GULP1: variants seen among roughly 807,000 people sequenced by gnomAD.
GULP1 encodes the protein GULP PTB domain containing engulfment adaptor 1, also known as PTB domain-containing engulfment adapter protein 1.
In GULP1, 19 loss-of-function variants were observed where a neutral mutation model predicts 40.9. The observed-to-expected ratio is 0.46, with a 90% CI of 0.32 to 0.68. The LOEUF is 0.68. Ranked by LOEUF, GULP1 falls within the 30% of genes least tolerant of loss-of-function variation. The pLI, the probability that GULP1 is intolerant of heterozygous loss-of-function variation, is 0.03. For missense variants in GULP1, 312 were observed against 362.2 expected (o/e 0.86, Z 1.12); for synonymous variants, 119 against 117.6 (o/e 1.01, Z -0.08).
chr2:188,387,005 G>C (rs1024337990), intron 2 of GULP1, among the ~76,000 whole-genome samples: 5 of 152,090 alleles, frequency 3.3e-5, no homozygotes, highest in Non-Finnish European at 7.4e-5. Context: ...GGGAGGCCAA[G>C]TCGGTGGATT....
chr2:188,537,508 C>CT (rs1689253722), intron 6 of GULP1, among the ~76,000 whole-genome samples: 1 of 152,076 alleles, frequency 6.6e-6, no homozygotes, highest in Admixed American at 6.6e-5. Flanking sequence ...ATACGTTGAA[C>CT]AAACCTTGCA....
At chr2:188,311,610 A>T (rs2038115977) in intron 1 of GULP1, among the ~76,000 whole-genome samples, 1 of 152,066 alleles carries the variant, frequency 6.6e-6, no homozygotes, top group South Asian at 2.1e-4. Context: ...ATATGAGTAG[A>T]TGTATCCAAT....
chr2:188,420,299 C>T (rs910576801), intron 2 of GULP1, among the ~76,000 whole-genome samples: 1 of 152,116 alleles, frequency 6.6e-6, no homozygotes, highest in Non-Finnish European at 1.5e-5. Flanking sequence ...ACAATATTGT[C>T]TTTCAATAAA....
chr2:188,511,466 G>C (rs1415689611), intron 4 of GULP1, among the ~76,000 whole-genome samples: 5 of 152,048 alleles, frequency 3.3e-5, no homozygotes, highest in Non-Finnish European at 7.4e-5. Flanking sequence ...TAACACTTCT[G>C]TTGATAGCAA....
intron 4 of GULP1, among the ~76,000 whole-genome samples, chr2:188,506,232 A>G (rs1471695430): frequency 6.6e-6 from 1 of 151,904 alleles, no homozygotes; most frequent in African/African-American, 2.4e-5. Flanking sequence ...TATGATCCCT[A>G]TTAAATTTAA....
At chr2:188,357,910 G>A (rs977383073) in intron 1 of GULP1, among the ~76,000 whole-genome samples, 1 of 152,172 alleles carries the variant, frequency 6.6e-6, no homozygotes, top group African/African-American at 2.4e-5. Context: ...CTGAGACAGT[G>A]GCTCACACCT....
At chr2:188,456,485 C>A (rs2059277019) in intron 2 of GULP1, among the ~76,000 whole-genome samples, 1 of 152,196 alleles carries the variant, frequency 6.6e-6, no homozygotes, top group Admixed American at 6.5e-5. Flanking sequence ...TTGGCAGCTT[C>A]CACATGGTGT....
chr2:188,439,078 T>G (rs929363425), intron 2 of GULP1, among the ~76,000 whole-genome samples: 8 of 152,138 alleles, frequency 5.3e-5, no homozygotes, highest in African/African-American at 9.6e-5. Context: ...TTAATTCTTT[T>G]TCTTATTTCC....
chr2:188,586,815 C>T (rs1268112966), intron 10 of GULP1, among the ~76,000 whole-genome samples: 4 of 152,124 alleles, frequency 2.6e-5, no homozygotes, highest in South Asian at 4.1e-4. Flanking sequence ...ATGAGAATCA[C>T]AGAGTGATTT....
At chr2:188,470,287 T>C (rs1235215556) in intron 2 of GULP1, among the ~76,000 whole-genome samples, 1 of 152,176 alleles carries the variant, frequency 6.6e-6, no homozygotes, top group Non-Finnish European at 1.5e-5. Context: ...TCGTGATACA[T>C]TTTATGTCTC....
At position 188,401,928 on chromosome 2, in the gene GULP1, C is replaced by T. The variant is rs73040418; in HGVS notation, c.-45+18039C>T. On this transcript the variant is annotated intron_variant, in intron 2 of 11. Transcript: ENST00000409830. Reference sequence around the variant, plus strand: ...GCAGATTTTACTAATTTCTGTAAGACTTTAATGGTATTTAGATTTCTGGAA... The same window carrying T: ...GCAGATTTTACTAATTTCTGTAAGATTTTAATGGTATTTAGATTTCTGGAA... Among the ~76,000 whole-genome samples the T allele has an allele frequency of 2.7e-3, 414 of 152,144 alleles. 2 individuals are homozygous for T. The highest frequency in any genetic ancestry group is 9.4e-3 in the African/African-American group (389 of 41,512).
chr2:188,338,515 G>T (rs2042569409), intron 1 of GULP1, among the ~76,000 whole-genome samples: 1 of 151,926 alleles, frequency 6.6e-6, no homozygotes. Context: ...CTGTTGCCAG[G>T]GCTGGTCTTG....
chr2:188,410,071 G>A (rs529971269), intron 2 of GULP1, among the ~76,000 whole-genome samples: 1 of 152,206 alleles, frequency 6.6e-6, no homozygotes, highest in Non-Finnish European at 1.5e-5. Flanking sequence ...TTTCAACAAA[G>A]ATTCCAAGAA....
chr2:188,352,618 T>TCTCTCACACACACA (rs578003996), intron 1 of GULP1, among the ~76,000 whole-genome samples: 6 of 134,406 alleles, frequency 4.5e-5, no homozygotes, highest in South Asian at 4.9e-4. Context: ...TCTCTCTCTC[T>TCTCTCACACACACA]CACACACACA....
intron 11 of GULP1, chr2:188,589,603 C>A: frequency 2.4e-6 from 1 of 420,484 alleles, no homozygotes; most frequent in Non-Finnish European, 4.3e-6. Flanking sequence ...TTTGTTGAAA[C>A]CAAGTGTGAG....
chr2:188,513,897 A>G (rs1176167455), intron 4 of GULP1, among the ~76,000 whole-genome samples: 1 of 152,134 alleles, frequency 6.6e-6, no homozygotes, highest in East Asian at 1.9e-4. Context: ...AAAAAATATC[A>G]GTTCCCAGAC....
chr2:188,454,424 A>C (rs1216766149), intron 2 of GULP1, among the ~76,000 whole-genome samples: 3 of 152,180 alleles, frequency 2.0e-5, no homozygotes, highest in Non-Finnish European at 4.4e-5. Flanking sequence ...AAAACTAATT[A>C]GGGAAGGATA....
At chr2:188,544,147 A>G (rs1691277852) in intron 7 of GULP1, among the ~76,000 whole-genome samples, 1 of 152,138 alleles carries the variant, frequency 6.6e-6, no homozygotes, top group Admixed American at 6.6e-5. Context: ...AAGCCACCTA[A>G]AGCAGAAAAT....
At chr2:188,465,856 G>C (rs959169484) in intron 2 of GULP1, among the ~76,000 whole-genome samples, 1 of 151,952 alleles carries the variant, frequency 6.6e-6, no homozygotes, top group Non-Finnish European at 1.5e-5. Context: ...GGAGGGGTGG[G>C]GTCTGAGATT....
Sources: gnomAD v4.1 joint callset for allele counts (sites outside exome capture counted in the v4.1 genomes callset) on GRCh38, gnomAD v4.1.1 for gene constraint, MANE v1.5 for transcripts, NCBI Gene and HGNC (gene_info 2026-07-23, HGNC 2026-07-21) for gene names.